The following ENPP3 variants were observed in gnomAD, a reference collection of about 807,000 sequenced individuals.
ENPP3 encodes ectonucleotide pyrophosphatase/phosphodiesterase family member 3.
Under a neutral mutation model 117.8 loss-of-function variants are expected in ENPP3, and 104 were observed. That is an observed-to-expected ratio of 0.88 (90% CI 0.75 to 1.04). ENPP3 has a LOEUF of 1.04. ENPP3 is among the 50% of genes least tolerant of loss of function. The pLI is 0.00. For synonymous variants in ENPP3, 380 were observed against 349.9 expected, an observed-to-expected ratio of 1.09 and a Z score of -0.96; for missense variants, 1,026 against 1,051.9, an observed-to-expected ratio of 0.98 and a Z score of 0.34.
intron 11 of ENPP3, among the ~76,000 whole-genome samples, chr6:131,679,644 C>T (rs532711767): frequency 6.6e-6 from 1 of 151,456 alleles, no homozygotes; most frequent in African/African-American, 2.4e-5. Flanking sequence ...TCAATCTAGT[C>T]TAGAGTAGGG....
At chr6:131,641,992 A>C (rs1778054658) in intron 2 of ENPP3, among the ~76,000 whole-genome samples, 1 of 151,298 alleles carries the variant, frequency 6.6e-6, no homozygotes, top group African/African-American at 2.4e-5. Flanking sequence ...ATGGGGTTTC[A>C]CTACATTGCC....
At chr6:131,663,782 CTGG>C (rs1309042518) in intron 6 of ENPP3, among the ~76,000 whole-genome samples, 1 of 151,846 alleles carries the variant, frequency 6.6e-6, no homozygotes, top group African/African-American at 2.4e-5. Context: ...TGTGGTGATG[CTGG>C]TGAAGACAAA....
At position 131,710,091 on chromosome 6, in the gene ENPP3, A is replaced by T. The variant is rs1225272467; in HGVS notation, c.1413-8581A>T. 8.7e-6 allele frequency: 14 copies of T among 1,613,744 alleles called. No individual in the cohort carries two copies. The African/African-American group carries it at 1.7e-4, about 20-fold the overall frequency. On this transcript the variant is annotated intron_variant, in intron 15 of 24. Coordinates refer to ENST00000357639, the MANE Select transcript of ENPP3 (RefSeq NM_005021.5). ...GTTTCTTCAAAGCTCCTTTCGGAGG[A>T]TCATCTAAGTTAGCACCATTTTCCC...
chr6:131,659,572 GTA>G (rs1778456016), intron 6 of ENPP3, among the ~76,000 whole-genome samples: 1 of 152,102 alleles, frequency 6.6e-6, no homozygotes, highest in Non-Finnish European at 1.5e-5. Flanking sequence ...TTCCTCATTT[GTA>G]AAATGAAATG....
chr6:131,667,174 G>A (rs969160416), intron 6 of ENPP3, among the ~76,000 whole-genome samples: 2 of 151,820 alleles, frequency 1.3e-5, no homozygotes, highest in Non-Finnish European at 2.9e-5. Flanking sequence ...TCTGTGCTGT[G>A]CCAGGGAGAG....
chr6:131,677,817 G>A (rs1214721343), intron 10 of ENPP3, 51 bp from the exon 11 acceptor site: 1 of 1,203,862 alleles, frequency 8.3e-7, no homozygotes, highest in East Asian at 2.3e-5. Context: ...AATCCAGCCT[G>A]TATGTTTATA....
At position 131,678,356 on chromosome 6, in the gene ENPP3, T is replaced by A. The variant is rs78051311; in HGVS notation, c.1011+416T>A. Among the ~76,000 whole-genome samples the A allele has an allele frequency of 4.6e-5, 7 of 152,336 alleles. No homozygotes were observed. The East Asian group carries it at 1.4e-3, about 29-fold the overall frequency. ...CCCGACAGTTCAGTTATAAGTTCCT[T>A]ATAATTGGATTTAACATGTTATTGC... On this transcript the variant is annotated intron_variant, in intron 11 of 24. Transcript: ENST00000357639.
intron 15 of ENPP3, chr6:131,701,107 G>A: frequency 1.7e-6 from 1 of 604,810 alleles, no homozygotes; most frequent in Non-Finnish European, 2.8e-6. Flanking sequence ...AGAAAGGTCT[G>A]CATCATGCGG....
At chr6:131,708,439 G>T (rs1779690267) in intron 15 of ENPP3, among the ~76,000 whole-genome samples, 1 of 152,216 alleles carries the variant, frequency 6.6e-6, no homozygotes, top group Non-Finnish European at 1.5e-5. Flanking sequence ...TTACTCATAA[G>T]ATTCATATTC....
chr6:131,740,216 T>C lies in ENPP3; in HGVS notation c.2301-8T>C, dbSNP rs758881981. ...ACATCAAAACATGTTTTCAATTATG[T>C]TTGTAAGACATTTAGCCAACACTGA... On this transcript the variant is annotated splice_polypyrimidine_tract_variant and splice_region_variant and intron_variant, in intron 23 of 24. Coordinates refer to ENST00000357639, the MANE Select transcript of ENPP3 (RefSeq NM_005021.5). 2.6e-6 allele frequency: 4 copies of C among 1,566,250 alleles called. No homozygotes were observed. Among genetic ancestry groups the C allele is most frequent in the Non-Finnish European group, 3.5e-6 (4 of 1,154,928 alleles).
chr6:131,653,070 A>AT (rs1249144483), intron 5 of ENPP3, among the ~76,000 whole-genome samples, 179 bp downstream of exon 5: 1 of 151,974 alleles, frequency 6.6e-6, no homozygotes, highest in East Asian at 1.9e-4. Flanking sequence ...TGTTTGCTTT[A>AT]TTTTTTCACA....
At chr6:131,731,435 A>G (rs928474112) in intron 20 of ENPP3, among the ~76,000 whole-genome samples, 25 of 152,324 alleles carry the variant, frequency 1.6e-4, no homozygotes, top group African/African-American at 5.8e-4. Flanking sequence ...GACTCAGCAT[A>G]TACAATTTTC....
chr6:131,641,955 C>A (rs562287995), intron 2 of ENPP3, among the ~76,000 whole-genome samples: 1 of 151,552 alleles, frequency 6.6e-6, no homozygotes, highest in East Asian at 1.9e-4. Flanking sequence ...CCACCACACC[C>A]GGCTAATTTT....
At chr6:131,656,172 C>A (rs1233866145) in intron 5 of ENPP3, among the ~76,000 whole-genome samples, 1 of 152,064 alleles carries the variant, frequency 6.6e-6, no homozygotes, top group African/African-American at 2.4e-5. Context: ...GCGGGGGACA[C>A]CTTGGGTAAA....
chr6:131,696,054 AG>A (rs1779397935), intron 15 of ENPP3, among the ~76,000 whole-genome samples: 1 of 152,254 alleles, frequency 6.6e-6, no homozygotes, highest in South Asian at 2.1e-4. Flanking sequence ...TAATTAGGTT[AG>A]GTCCCCTTTG....
chr6:131,656,738 G>A (rs56947999), intron 5 of ENPP3, among the ~76,000 whole-genome samples: 14,277 of 150,814 alleles, frequency 0.095, 1,011 homozygotes, highest in East Asian at 0.33. Flanking sequence ...CTGCACTCCA[G>A]CCTGGGCAAC....
intron 19 of ENPP3, 91 bp from the exon 20 acceptor site, chr6:131,725,955 G>C (rs1188278022): frequency 1.7e-5 from 13 of 753,486 alleles, no homozygotes; most frequent in Non-Finnish European, 2.9e-5. Flanking sequence ...AGCCATAAGA[G>C]AGTGGTAGTT....
chr6:131,695,848 G>A (rs573440910), intron 15 of ENPP3, among the ~76,000 whole-genome samples: 32 of 152,160 alleles, frequency 2.1e-4, no homozygotes, highest in African/African-American at 6.5e-4. Context: ...CCTGGGAGGC[G>A]GAGGTTGCAG....
intron 15 of ENPP3, chr6:131,710,090 G>A: frequency 6.2e-7 from 1 of 1,613,826 alleles, no homozygotes. Flanking sequence ...CCTTTCGGAG[G>A]ATCATCTAAG....
Sources: gnomAD v4.1 joint callset for allele counts (sites outside exome capture counted in the v4.1 genomes callset) on GRCh38, gnomAD v4.1.1 for gene constraint, MANE v1.5 for transcripts, NCBI Gene and HGNC (gene_info 2026-07-23, HGNC 2026-07-21) for gene names.